POFUT2: variants seen among roughly 807,000 people sequenced by gnomAD.
POFUT2 encodes the protein GDP-fucose protein O-fucosyltransferase 2.
In POFUT2, 30 loss-of-function variants were observed where a neutral mutation model predicts 55.0. The ratio of observed to expected loss-of-function variants is 0.55; its 90% CI spans 0.41 to 0.74. The LOEUF (loss-of-function observed/expected upper bound fraction) is 0.74. POFUT2 is among the 30% of genes least tolerant of loss of function. The pLI is 0.00. For missense variants in POFUT2, 524 were observed against 562.6 expected (o/e 0.93, Z 0.69); for synonymous variants, 267 against 231.1 (o/e 1.16, Z -1.41).
At chr21:45,275,420 T>TA (rs1187892043) in intron 6 of POFUT2, among the ~76,000 whole-genome samples, 1 of 152,210 alleles carries the variant, frequency 6.6e-6, no homozygotes, top group African/African-American at 2.4e-5. Flanking sequence ...CACTGCTGGG[T>TA]ATCTACCCAG....
chr21:45,271,367 A>C (rs866951866), intron 6 of POFUT2, among the ~76,000 whole-genome samples: 39 of 152,230 alleles, frequency 2.6e-4, no homozygotes, highest in African/African-American at 9.2e-4. Context: ...AATAGTAAAA[A>C]AAATGAACAA....
chr21:45,268,397 G>A (rs1289810196), intron 7 of POFUT2, among the ~76,000 whole-genome samples: 1 of 151,820 alleles, frequency 6.6e-6, no homozygotes, highest in African/African-American at 2.4e-5. Context: ...CCTCTGCCCG[G>A]CCGCCACCCC....
intron 1 of POFUT2, among the ~76,000 whole-genome samples, chr21:45,287,195 C>T (rs868108914): frequency 5.1e-4 from 70 of 137,248 alleles, no homozygotes; most frequent in African/African-American, 1.9e-3. Context: ...AGCCCGGCCC[C>T]GGCCCCTGCC....
chr21:45,281,618 C>G lies in POFUT2; in HGVS notation c.638+731G>C, dbSNP rs1034530079. ...TCGTGGCTGATGGCCTCTAGAGGCACACACAGGGCACGACAGCAGACAAGG... is the reference window on the plus strand; with the variant it reads ...TCGTGGCTGATGGCCTCTAGAGGCAGACACAGGGCACGACAGCAGACAAGG... On this transcript the variant is annotated intron_variant, in intron 4 of 8. Coordinates refer to ENST00000349485, the MANE Select transcript of POFUT2 (RefSeq NM_133635.6). The surrounding 1 kb of genome is among the most constrained non-coding windows in gnomAD (Gnocchi z 5.0). Among the ~76,000 whole-genome samples, 2 of 152,012 alleles carry G rather than the reference C, an allele frequency of 1.3e-5. No individual in the cohort carries two copies. The highest frequency in any genetic ancestry group is 2.9e-5 in the Non-Finnish European group (2 of 68,010).
chr21:45,280,053 G>A (rs898698664), intron 4 of POFUT2, among the ~76,000 whole-genome samples: 1 of 152,166 alleles, frequency 6.6e-6, no homozygotes, highest in African/African-American at 2.4e-5. Context: ...ACTTCAAGAC[G>A]CACATTCCAC....
chr21:45,268,811 T>G (rs1413683913), intron 7 of POFUT2, among the ~76,000 whole-genome samples: 3 of 132,104 alleles, frequency 2.3e-5, no homozygotes, highest in Non-Finnish European at 3.2e-5. Flanking sequence ...GGGAGGGAGG[T>G]GGGGGGGTCA....
chr21:45,279,142 A>T (rs2030225752), intron 4 of POFUT2, among the ~76,000 whole-genome samples: 1 of 152,364 alleles, frequency 6.6e-6, no homozygotes, highest in Middle Eastern at 3.4e-3. Context: ...CTCTAATCCC[A>T]GCACTTTGGG....
intron 1 of POFUT2, 86 bp downstream of exon 1, chr21:45,287,654 GC>G: frequency 9.6e-7 from 1 of 1,045,316 alleles, no homozygotes; most frequent in Non-Finnish European, 1.2e-6. Context: ...CATCTCCCTG[GC>G]CCCTGACCCC....
intron 4 of POFUT2, among the ~76,000 whole-genome samples, chr21:45,279,158 A>G (rs11910467): frequency 0.35 from 52,832 of 151,918 alleles, 9,368 homozygotes; most frequent in East Asian, 0.43. Flanking sequence ...TTGGGAGGCC[A>G]AGGTGGGCGG....
Position 45,265,879 on chromosome 21 carries a change from GTCA to G in POFUT2, c.1137-247_1137-245del. ...GCTGCAGCCCCATCCACACCCCACA[GTCA>G]GCAGCCGCCACGCTCCTGTCCCACC... is the stretch of plus-strand genomic sequence containing the variant. On this transcript the variant is annotated intron_variant, in intron 8 of 8. Coordinates refer to ENST00000349485, the MANE Select transcript of POFUT2 (RefSeq NM_133635.6). The surrounding 1 kb of genome is among the most constrained non-coding windows in gnomAD (Gnocchi z 4.6). 7.4e-7 allele frequency: 1 copy of G among 1,354,608 alleles called. No homozygotes were observed. The highest frequency in any genetic ancestry group is 1.5e-5 in the South Asian group (1 of 65,572). The allele number at this position is 1,354,608 out of a possible 1,614,324, so 83.9% of individuals were successfully genotyped here.
Position 45,264,584 on chromosome 21 carries a change from G to C in POFUT2, c.*898C>G, listed in dbSNP as rs1396421009. 1.3e-5 allele frequency: 2 copies of C among 152,148 alleles called. No individual in the cohort carries two copies. Among genetic ancestry groups the C allele is most frequent in the African/African-American group, 4.8e-5 (2 of 41,370 alleles). 9.4% of individuals were successfully genotyped at this position (152,148 alleles called of 1,614,324 possible). On this transcript the variant is annotated 3_prime_UTR_variant, in exon 9 of 9. Coordinates refer to ENST00000349485, the MANE Select transcript of POFUT2 (RefSeq NM_133635.6). Reference sequence around the variant, plus strand: ...GCGTAACTGTCCTTCCTCATTTCTAGTTCTCAATAGCGAATGGCAGACCTG... The same window carrying C: ...GCGTAACTGTCCTTCCTCATTTCTACTTCTCAATAGCGAATGGCAGACCTG...
rs184052047 is a variant in POFUT2, at chr21:45,283,521, C to T, written c.389G>A (p.Gly130Asp). 1.3e-5 allele frequency: 21 copies of T among 1,613,642 alleles called. No homozygotes were observed. Among genetic ancestry groups the T allele is most frequent in the Middle Eastern group, 1.7e-4 (1 of 6,060 alleles). ...IEYEQFIAES[G>D]GPFIDQVYVL... ...GTAAACCTGGTCAATAAAGGGCCCA[C>T]CAGATTCTGAAAGACACCAAGAAAA... The change falls in exon 3 of 9, where the codon GGT becomes GAT. Residue 130 changes from glycine (G) to aspartate (D), a missense_variant. Transcript: ENST00000349485.
chr21:45,265,269 A>C lies in POFUT2; in HGVS notation c.*213T>G. On this transcript the variant is annotated 3_prime_UTR_variant, in exon 9 of 9. Transcript: ENST00000349485. This position sits in a 1 kb window ranked among gnomAD's most constrained non-coding sequence, Gnocchi z 4.6. ...CCTGAAAACAACCGCCACCCCCGAG[A>C]GCAGCGGAGCCTCTTCATCAGCCAT... The C allele has an allele frequency of 2.5e-6, 1 of 407,740 alleles. No homozygotes were observed. Among genetic ancestry groups the C allele is most frequent in the South Asian group, 8.4e-5 (1 of 11,940 alleles). The allele number at this position is 407,740 out of a possible 1,614,324, so 25.3% of individuals were successfully genotyped here.
intron 6 of POFUT2, among the ~76,000 whole-genome samples, chr21:45,275,174 T>C (rs930348923): frequency 6.6e-6 from 1 of 152,224 alleles, no homozygotes; most frequent in African/African-American, 2.4e-5. Context: ...GAAAAAATGC[T>C]TAACTTCACT....
chr21:45,287,788 G>C lies in POFUT2; in HGVS notation c.84C>G (p.Pro28=). 1 of 1,509,152 alleles carries C rather than the reference G, an allele frequency of 6.6e-7. No individual in the cohort carries two copies. The highest frequency in any genetic ancestry group is 8.9e-7 in the Non-Finnish European group (1 of 1,124,460). 93.5% of individuals were successfully genotyped at this position (1,509,152 alleles called of 1,614,324 possible). Residue 28 remains proline (P), a synonymous_variant, in exon 1 of 9, where the codon CCC becomes CCG. Transcript: ENST00000349485. Reference sequence around the variant, plus strand: ...ACAGAATATCGGCCGCCGATTGTCCGGGCCAGAACTCCTGGCCGGAGGCAG... The same window carrying C: ...ACAGAATATCGGCCGCCGATTGTCCCGGCCAGAACTCCTGGCCGGAGGCAG... ...PASASGQEFW[P]GQSAADILSG...
At chr21:45,266,242 A>T in intron 8 of POFUT2, 1 of 1,367,616 alleles carries the variant, frequency 7.3e-7, no homozygotes, top group South Asian at 1.1e-5. Context: ...GTGAACAAGC[A>T]AACCCCAGAG....
intron 3 of POFUT2, 108 bp downstream of exon 3, chr21:45,283,275 T>G (rs1224357073): frequency 1.2e-4 from 46 of 376,814 alleles, no homozygotes; most frequent in Non-Finnish European, 1.4e-4. Context: ...GCACCCACGG[T>G]GGTGGGGAGG....
Position 45,283,393 on chromosome 21 carries a change from C to T in POFUT2, c.517G>A (p.Glu173Lys), listed in dbSNP as rs749486281. Residue 173 changes from glutamate (E) to lysine (K), a missense_variant, in exon 3 of 9, where the codon GAG becomes AAG. Physicochemically the swap from Glu to Lys is moderately conservative, Grantham distance 56. This residue lies in a region of POFUT2 where 274 missense variants were observed against 244.4 expected (regional missense o/e 1.12). Coordinates refer to ENST00000349485, the MANE Select transcript of POFUT2 (RefSeq NM_133635.6). ...DQLLYSQDKH[E>K]YYRGWFWGYE... Reference sequence around the variant, plus strand: ...AGCCTCAGCAGGCACCTGTAGTACTCGTGCTTGTCCTGGGAGTACAGGAGC... The same window carrying T: ...AGCCTCAGCAGGCACCTGTAGTACTTGTGCTTGTCCTGGGAGTACAGGAGC... The T allele has an allele frequency of 6.2e-6, 10 of 1,607,444 alleles. No individual in the cohort carries two copies. The highest frequency in any genetic ancestry group is 3.3e-5 in the Admixed American group (2 of 59,754).
chr21:45,287,167 T>TAG (rs1248392934), intron 1 of POFUT2, among the ~76,000 whole-genome samples: 1 of 7,906 alleles, frequency 1.3e-4, no homozygotes, highest in Non-Finnish European at 2.6e-4. Flanking sequence ...CCCCGCCCCA[T>TAG]CCCATCCCCC....
Sources: allele counts gnomAD v4.1 joint callset (sites outside exome capture counted in the v4.1 genomes callset), GRCh38; gene constraint gnomAD v4.1.1; regional missense constraint gnomAD v4.1.1; non-coding constraint Gnocchi (gnomAD v3.1); transcripts MANE v1.5; gene names NCBI Gene and HGNC (gene_info 2026-07-23, HGNC 2026-07-21).